Variants in ZNF333 observed in about 807,000 individuals in gnomAD.
ZNF333 encodes the protein zinc finger protein 333.
Under a neutral mutation model 76.1 loss-of-function variants are expected in ZNF333, and 61 were observed. The observed-to-expected ratio is 0.80, with a 90% CI of 0.65 to 0.99. The LOEUF is 0.99. Ranked by LOEUF, ZNF333 falls within the 50% of genes least tolerant of loss-of-function variation. The pLI, the probability that ZNF333 is intolerant of heterozygous loss-of-function variation, is 0.00. For missense variants in ZNF333, 717 were observed against 822.4 expected (o/e 0.87, Z 1.57); for synonymous variants, 284 against 305.0 (o/e 0.93, Z 0.72).
intron 11 of ZNF333, among the ~76,000 whole-genome samples, chr19:14,729,424 T>A (rs2042654301): frequency 1.3e-5 from 2 of 151,930 alleles, no homozygotes. Flanking sequence ...AGTGGTGTGG[T>A]CACAGCTCAC....
At chr19:14,710,792 AT>A (rs1287823188) in intron 7 of ZNF333, among the ~76,000 whole-genome samples, 1 of 152,184 alleles carries the variant, frequency 6.6e-6, no homozygotes, top group Non-Finnish European at 1.5e-5. Context: ...AAATAAAAAA[AT>A]AAATAAAAGT....
In ZNF333 at chr19:14,719,298, T is replaced by C; in HGVS notation, c.1971T>C (p.His657=). ...RNGSLPLSMS[H]PYCGPLAN ...GCAGCCTGCCTTTATCCATGTCTCA[T>C]CCATACTGTGGGCCCCTTGCTAATT... Residue 657 remains histidine (H), a synonymous_variant, in exon 12 of 12, where the codon CAT becomes CAC. Transcript: ENST00000292530. 2 of 1,612,070 alleles carry C rather than the reference T, an allele frequency of 1.2e-6. No homozygotes were observed. Among genetic ancestry groups the C allele is most frequent in the Non-Finnish European group, 1.7e-6 (2 of 1,178,846 alleles).
chr19:14,718,635 C>T lies in ZNF333; in HGVS notation c.1308C>T (p.Asn436=). 1 of 1,613,754 alleles carries T rather than the reference C, an allele frequency of 6.2e-7. No individual in the cohort carries two copies. Among genetic ancestry groups the T allele is most frequent in the Non-Finnish European group, 8.5e-7 (1 of 1,180,014 alleles). ...QCGKTFTRNF[N]LILHQRNHTG... ...GGAAAACCTTCACGAGGAACTTTAA[C>T]CTGATTTTGCACCAGAGAAACCACA... Residue 436 remains asparagine, a synonymous_variant, in exon 12 of 12, where the codon AAC becomes AAT. Transcript: ENST00000292530.
At chr19:14,729,068 C>T (rs1443959537) in intron 11 of ZNF333, among the ~76,000 whole-genome samples, 10 of 152,108 alleles carry the variant, frequency 6.6e-5, no homozygotes, top group East Asian at 1.9e-4. Context: ...GTGCAGAATG[C>T]GTGACCGAGG....
intron 11 of ZNF333, among the ~76,000 whole-genome samples, chr19:14,728,106 G>A (rs75324914): frequency 1.3e-5 from 2 of 152,274 alleles, no homozygotes; most frequent in East Asian, 1.9e-4. Flanking sequence ...CCAACTACTC[G>A]GGAGGCTGAG....
At chr19:14,713,581 G>A (rs1275643787) in intron 7 of ZNF333, among the ~76,000 whole-genome samples, 1 of 152,132 alleles carries the variant, frequency 6.6e-6, no homozygotes, top group African/African-American at 2.4e-5. Context: ...GTGGACGCCA[G>A]CAACATGTTG....
chr19:14,728,007 G>C (rs1478065647), intron 11 of ZNF333, among the ~76,000 whole-genome samples: 1 of 152,190 alleles, frequency 6.6e-6, no homozygotes, highest in African/African-American at 2.4e-5. Flanking sequence ...TGGATCACGA[G>C]GTCAGGAGAT....
chr19:14,719,168 C>T lies in ZNF333; in HGVS notation c.1841C>T (p.Ala614Val), dbSNP rs749192822. ...ATTGTACATGTGAGAACACACAGTG[C>T]CGGGAGACCCTATCAATGTAATCAG... ...HLIVHVRTHS[A>V]GRPYQCNQCE... Residue 614 changes from alanine to valine, a missense_variant, in exon 12 of 12, where the codon GCC becomes GTC. Transcript: ENST00000292530. 1.9e-6 allele frequency: 3 copies of T among 1,614,190 alleles called. No individual in the cohort carries two copies. Among genetic ancestry groups the T allele is most frequent in the Non-Finnish European group, 2.5e-6 (3 of 1,180,044 alleles).
chr19:14,726,344 T>C (rs1218222256), downstream of ZNF333, among the ~76,000 whole-genome samples: 1 of 152,176 alleles, frequency 6.6e-6, no homozygotes, highest in African/African-American at 2.4e-5. Flanking sequence ...CCGAAATGCC[T>C]TCAAAGCCTT....
intron 7 of ZNF333, chr19:14,715,174 C>G: frequency 1.9e-6 from 1 of 538,864 alleles, no homozygotes; most frequent in South Asian, 2.0e-5. Context: ...TATATGTGTG[C>G]ATGTCTGTGT....
chr19:14,703,611 A>C (rs2042026543), intron 5 of ZNF333, among the ~76,000 whole-genome samples: 1 of 152,196 alleles, frequency 6.6e-6, no homozygotes, highest in Non-Finnish European at 1.5e-5. Flanking sequence ...CCACACAGGG[A>C]AGCACCAAGG....
intron 7 of ZNF333, among the ~76,000 whole-genome samples, chr19:14,713,562 C>G (rs932323772): frequency 7.2e-5 from 11 of 152,126 alleles, no homozygotes; most frequent in Non-Finnish European, 1.0e-4. Context: ...AGAGGAGGGC[C>G]TGCAACCTGT....
chr19:14,720,835 CATGATTATGT>C lies in ZNF333; in HGVS notation c.*1513_*1522del. ...AGAGAGGTATGTTAAACTCTCCCACCATGATTATGTATTGCTGAAAAATCTTTGTCATTCT... is the reference window on the plus strand; with the variant it reads ...AGAGAGGTATGTTAAACTCTCCCACCATTGCTGAAAAATCTTTGTCATTCT... On this transcript the variant is annotated 3_prime_UTR_variant, in exon 12 of 12. Transcript: ENST00000292530. The C allele has an allele frequency of 1.0e-6, 1 of 969,924 alleles. No individual in the cohort carries two copies. Among genetic ancestry groups the C allele is most frequent in the Non-Finnish European group, 1.2e-6 (1 of 815,940 alleles). 60.1% of individuals were successfully genotyped at this position (969,924 alleles called of 1,614,324 possible).
chr19:14,697,763 C>A (rs1453135465), intron 4 of ZNF333, among the ~76,000 whole-genome samples: 2 of 152,166 alleles, frequency 1.3e-5, no homozygotes, highest in African/African-American at 4.8e-5. Flanking sequence ...ACTTCTTGAG[C>A]AACTGTCGTA....
chr19:14,731,150 T>G (rs868314131), intron 11 of ZNF333: 2 of 1,532,686 alleles, frequency 1.3e-6, no homozygotes, highest in South Asian at 1.2e-5. Flanking sequence ...TCCCTCATTC[T>G]TCCTCCTTAT....
intron 5 of ZNF333, among the ~76,000 whole-genome samples, chr19:14,704,387 T>G (rs959141473): frequency 6.6e-6 from 1 of 152,090 alleles, no homozygotes; most frequent in Non-Finnish European, 1.5e-5. Context: ...CAGGTTCAAG[T>G]GATTCTCATG....
chr19:14,689,948 G>C (rs899405606), upstream of ZNF333: 1 of 152,426 alleles, frequency 6.6e-6, no homozygotes, highest in Non-Finnish European at 1.5e-5. Context: ...TCTCCTTGGA[G>C]GCTAAAGAAG....
downstream of ZNF333, among the ~76,000 whole-genome samples, chr19:14,723,712 A>G (rs2042616473): frequency 6.6e-6 from 1 of 152,166 alleles, no homozygotes; most frequent in Non-Finnish European, 1.5e-5. Context: ...TTCTTTTGCA[A>G]CCCATATTAT....
In ZNF333 at chr19:14,721,280, CTTTTTTTTTTTTTTTT is replaced by C. The variant is rs56066058; in HGVS notation, c.*1965_*1980del. The C allele has an allele frequency of 1.1e-5, 1 of 87,862 alleles. No individual in the cohort carries two copies. Among genetic ancestry groups the C allele is most frequent in the Non-Finnish European group, 2.1e-5 (1 of 47,640 alleles). 5.4% of individuals were successfully genotyped at this position (87,862 alleles called of 1,614,324 possible). A position where few individuals can be genotyped will look rare whatever the true frequency, so the allele number is the denominator to read the frequency against. On this transcript the variant is annotated 3_prime_UTR_variant, in exon 12 of 12. Transcript: ENST00000292530. ...GGACTAGTCTCCATTTTTACTTGTT[CTTTTTTTTTTTTTTTT>C]TTTTTTTTTGGTTTTAAAGTTCTCT...
Sources: allele counts gnomAD v4.1 joint callset (sites outside exome capture counted in the v4.1 genomes callset), GRCh38; gene constraint gnomAD v4.1.1; transcripts MANE v1.5; gene names NCBI Gene and HGNC (gene_info 2026-07-23, HGNC 2026-07-21).